Variants in SIPA1L2 observed in about 807,000 individuals in gnomAD.
SIPA1L2 encodes signal induced proliferation associated 1 like 2.
Under a neutral mutation model 163.9 loss-of-function variants are expected in SIPA1L2, and 56 were observed. The ratio of observed to expected loss-of-function variants is 0.34; its 90% CI spans 0.28 to 0.43. The LOEUF (loss-of-function observed/expected upper bound fraction) is 0.43. SIPA1L2 is among the 20% of genes least tolerant of loss of function. The pLI is 1.00. For synonymous variants in SIPA1L2, 877 were observed against 865.7 expected, an observed-to-expected ratio of 1.01 and a Z score of -0.23; for missense variants, 1,974 against 2,193.5, an observed-to-expected ratio of 0.90 and a Z score of 2.00.
intron 19 of SIPA1L2, among the ~76,000 whole-genome samples, chr1:232,412,505 G>A (rs1448210804): frequency 1.3e-5 from 2 of 152,148 alleles, no homozygotes; most frequent in Non-Finnish European, 2.9e-5. Context: ...CTCAGAAATG[G>A]CCTTGAGAAC....
chr1:232,627,540 A>G (rs1441872817), intron 1 of SIPA1L2, among the ~76,000 whole-genome samples: 1 of 152,070 alleles, frequency 6.6e-6, no homozygotes, highest in Admixed American at 6.6e-5. Flanking sequence ...GAGAAAAAAA[A>G]AAACACCTTC....
intron 2 of SIPA1L2, among the ~76,000 whole-genome samples, chr1:232,551,172 A>G (rs956491986): frequency 6.6e-6 from 1 of 152,242 alleles, no homozygotes; most frequent in African/African-American, 2.4e-5. Context: ...ATGAGATAGC[A>G]GAATGCATGT....
chr1:232,551,760 G>C (rs1240924831), intron 2 of SIPA1L2, among the ~76,000 whole-genome samples: 2 of 152,244 alleles, frequency 1.3e-5, no homozygotes, highest in Non-Finnish European at 2.9e-5. Flanking sequence ...CGGAGTGATA[G>C]TTTAGCTGAT....
chr1:232,491,929 C>T (rs896291864), intron 4 of SIPA1L2, among the ~76,000 whole-genome samples: 2 of 152,110 alleles, frequency 1.3e-5, no homozygotes, highest in Middle Eastern at 3.2e-3. Flanking sequence ...ATTAAACACT[C>T]GAAATCACTA....
At chr1:232,431,185 C>G (rs1202337962) in intron 16 of SIPA1L2, among the ~76,000 whole-genome samples, 1 of 152,160 alleles carries the variant, frequency 6.6e-6, no homozygotes. Flanking sequence ...GGAATGAATT[C>G]CCGTGAAGCA....
At chr1:232,480,090 G>A (rs529511739) in intron 6 of SIPA1L2, among the ~76,000 whole-genome samples, 155 of 152,184 alleles carry the variant, frequency 1.0e-3, no homozygotes, top group African/African-American at 3.5e-3. Context: ...CCAGGTCTGG[G>A]TGCAATTATC....
intron 3 of SIPA1L2, among the ~76,000 whole-genome samples, chr1:232,510,511 CT>C (rs1304346775): frequency 2.0e-5 from 3 of 152,096 alleles, no homozygotes; most frequent in Admixed American, 2.0e-4. Context: ...TCAGATTCTT[CT>C]TTGGAGCTTA....
chr1:232,515,335 C>T lies in SIPA1L2; in HGVS notation c.5G>A (p.Ser2Asn), dbSNP rs747208664. 5.1e-6 allele frequency: 8 copies of T among 1,583,348 alleles called. No individual in the cohort carries two copies. The highest frequency in any genetic ancestry group is 6.9e-6 in the Non-Finnish European group (8 of 1,164,124). Residue 2 changes from serine (S) to asparagine (N), a missense_variant, in exon 3 of 23, where the codon AGT (serine) becomes AAT (asparagine). By Grantham distance (46) the Ser-to-Asn change is conservative. Around this residue, in one of 3 missense-constraint regions of SIPA1L2, gnomAD observed 607 missense variants for 624.0 expected, o/e 0.97. Coordinates refer to ENST00000674635, the MANE Select transcript of SIPA1L2 (RefSeq NM_020808.5). Reference sequence around the variant, plus strand: ...CTCTTCTTGTGACTGCCTTGGGTCACTCATGTCTACCGAGGAAGAGCCTCC... The same window carrying T: ...CTCTTCTTGTGACTGCCTTGGGTCATTCATGTCTACCGAGGAAGAGCCTCC... MSDPRQSQEEKH... is the reference protein window; with the variant it reads MNDPRQSQEEKH...
intron 1 of SIPA1L2, among the ~76,000 whole-genome samples, chr1:232,594,046 G>C (rs1661109058): frequency 1.3e-5 from 2 of 152,146 alleles, no homozygotes; most frequent in African/African-American, 4.8e-5. Flanking sequence ...TCTCCGACAA[G>C]CCTGACCTTA....
At position 232,479,639 on chromosome 1, in the gene SIPA1L2, G is replaced by T. The variant is rs769321946; in HGVS notation, c.2073C>A (p.Asn691Lys). 5.0e-6 allele frequency: 8 copies of T among 1,613,462 alleles called. No individual in the cohort carries two copies. The Admixed American group carries it at 1.3e-4, about 27-fold the overall frequency. ...HVSTLLPYMP[N>K]NRQQLLRKRH... ...GGGGAGGACATACCTGTTGTCTGTTGTTGGGCATGTAGGGAAGCAGGGTTG... is the reference window on the plus strand; with the variant it reads ...GGGGAGGACATACCTGTTGTCTGTTTTTGGGCATGTAGGGAAGCAGGGTTG... Residue 691 changes from asparagine (N) to lysine (K), a missense_variant, in exon 7 of 23, where the codon AAC (asparagine) becomes AAA (lysine). Physicochemically the swap from Asn to Lys is moderately conservative, Grantham distance 94 (BLOSUM62 0). Around this residue, in one of 3 missense-constraint regions of SIPA1L2, gnomAD observed 288 missense variants for 418.9 expected, o/e 0.69. Transcript: ENST00000674635.
Position 232,515,428 on chromosome 1 carries a change from A to C in SIPA1L2, c.-89T>G, listed in dbSNP as rs1331270576. The C allele has an allele frequency of 1.5e-6, 2 of 1,336,102 alleles. No homozygotes were observed. Among genetic ancestry groups the C allele is most frequent in the Non-Finnish European group, 2.0e-6 (2 of 995,040 alleles). 82.8% of individuals were successfully genotyped at this position (1,336,102 alleles called of 1,614,324 possible). A position where few individuals can be genotyped will look rare whatever the true frequency, so the allele number is the denominator to read the frequency against. ...ACCGACCACGCCATAATACTTGCAG[A>C]TATAAAGGCTTTGTCTGTAGTTGTA... On this transcript the variant is annotated 5_prime_UTR_variant, in exon 3 of 23. Transcript: ENST00000674635.
At chr1:232,401,661 T>G (rs1454374704) in intron 22 of SIPA1L2, among the ~76,000 whole-genome samples, 1 of 152,212 alleles carries the variant, frequency 6.6e-6, no homozygotes, top group Non-Finnish European at 1.5e-5. Flanking sequence ...AGCTCCCTCC[T>G]TGTGACTAGA....
At chr1:232,455,753 T>C (rs1160966742) in intron 10 of SIPA1L2, among the ~76,000 whole-genome samples, 3 of 147,930 alleles carry the variant, frequency 2.0e-5, no homozygotes, top group Non-Finnish European at 3.0e-5. Flanking sequence ...ATATACACCA[T>C]GGAATACTAT....
At chr1:232,432,175 G>A in intron 16 of SIPA1L2, 72 bp downstream of exon 16, 15 of 1,229,382 alleles carry the variant, frequency 1.2e-5, no homozygotes, top group Non-Finnish European at 1.7e-5. Flanking sequence ...TCCTTTGGGA[G>A]GAAAATACAT....
chr1:232,556,807 C>A (rs1427719895), intron 2 of SIPA1L2, among the ~76,000 whole-genome samples: 1 of 151,984 alleles, frequency 6.6e-6, no homozygotes, highest in African/African-American at 2.4e-5. Context: ...ACAATTTACC[C>A]AGGAAAAGTT....
rs571522347 is a variant in SIPA1L2 at position 232,514,787 on chromosome 1, C to T, written c.553G>A (p.Gly185Arg). 8.1e-6 allele frequency: 13 copies of T among 1,614,088 alleles called. No homozygotes were observed. Among genetic ancestry groups the T allele is most frequent in the Non-Finnish European group, 1.1e-5 (13 of 1,180,040 alleles). ...LDQNAVNPNTGAALHREYGST... is the reference protein window; with the variant it reads ...LDQNAVNPNTRAALHREYGST... ...CCATACTCCCTGTGCAGGGCAGCCC[C>T]GGTGTTGGGGTTGACTGCATTTTGG... is the stretch of plus-strand genomic sequence containing the variant. Residue 185 changes from glycine to arginine, a missense_variant, in exon 3 of 23, where the codon GGG becomes AGG. By Grantham distance (125) the Gly-to-Arg change is moderately radical. This residue lies in a region of SIPA1L2 where 607 missense variants were observed against 624.0 expected (regional missense o/e 0.97). Coordinates refer to ENST00000674635, the MANE Select transcript of SIPA1L2 (RefSeq NM_020808.5).
At chr1:232,464,271 A>G (rs1236808226) in intron 9 of SIPA1L2, among the ~76,000 whole-genome samples, 2 of 152,240 alleles carry the variant, frequency 1.3e-5, no homozygotes, top group African/African-American at 4.8e-5. Flanking sequence ...AGGGTTTTGC[A>G]CTAAAAATCA....
At chr1:232,449,895 C>A (rs994889408) in intron 10 of SIPA1L2, among the ~76,000 whole-genome samples, 1 of 152,138 alleles carries the variant, frequency 6.6e-6, no homozygotes, top group Non-Finnish European at 1.5e-5. Context: ...CAAAGGAAAT[C>A]CTTGTAAAAT....
At chr1:232,600,544 G>C (rs1012456864) in intron 1 of SIPA1L2, among the ~76,000 whole-genome samples, 1 of 152,218 alleles carries the variant, frequency 6.6e-6, no homozygotes, top group Non-Finnish European at 1.5e-5. Flanking sequence ...TGTTGTGTCT[G>C]AAACAGGCTT....
Sources: allele counts gnomAD v4.1 joint callset (sites outside exome capture counted in the v4.1 genomes callset), GRCh38; gene constraint gnomAD v4.1.1; regional missense constraint gnomAD v4.1.1; transcripts MANE v1.5; gene names NCBI Gene and HGNC (gene_info 2026-07-23, HGNC 2026-07-21).